Variants in MYO1D observed in about 807,000 individuals in gnomAD.
MYO1D encodes myosin ID, also known as unconventional myosin-Id.
A neutral mutation model predicts 122.0 loss-of-function variants in MYO1D; 83 were observed. The ratio of observed to expected loss-of-function variants is 0.68; its 90% CI spans 0.57 to 0.82. MYO1D has a LOEUF of 0.82. Ranked by LOEUF, MYO1D falls within the 40% of genes least tolerant of loss-of-function variation. The pLI, the probability that MYO1D is intolerant of heterozygous loss-of-function variation, is 0.00. For synonymous variants in MYO1D, 464 were observed against 446.9 expected (o/e 1.04, Z -0.48); for missense variants, 1,157 against 1,269.5 (o/e 0.91, Z 1.35).
chr17:32,700,472 A>G (rs1329328928), intron 16 of MYO1D, among the ~76,000 whole-genome samples: 1 of 152,238 alleles, frequency 6.6e-6, no homozygotes, highest in Non-Finnish European at 1.5e-5. Context: ...CCCCTGCTAC[A>G]GATACAGCAG....
chr17:32,873,689 CTG>C (rs768089664), intron 1 of MYO1D, among the ~76,000 whole-genome samples: 56 of 152,160 alleles, frequency 3.7e-4, no homozygotes, highest in Non-Finnish European at 7.1e-4. Flanking sequence ...TTTGCTGGCA[CTG>C]TGTTTATGGC....
chr17:32,860,640 T>A (rs1219482451), intron 1 of MYO1D, among the ~76,000 whole-genome samples: 2 of 152,172 alleles, frequency 1.3e-5, no homozygotes, highest in African/African-American at 2.4e-5. Flanking sequence ...ATAAAGGAAA[T>A]TGAAGAGTTG....
At chr17:32,794,979 A>T (rs2090398356) in intron 1 of MYO1D, among the ~76,000 whole-genome samples, 1 of 152,088 alleles carries the variant, frequency 6.6e-6, no homozygotes, top group Non-Finnish European at 1.5e-5. Flanking sequence ...AGAGAAGTAG[A>T]CAGGCTTTAA....
chr17:32,786,420 T>C (rs2090294504), intron 1 of MYO1D, among the ~76,000 whole-genome samples: 1 of 152,236 alleles, frequency 6.6e-6, no homozygotes, highest in South Asian at 2.1e-4. Context: ...GGCAATCTTC[T>C]TGCCATTTCA....
At chr17:32,851,357 C>T (rs59760470) in intron 1 of MYO1D, among the ~76,000 whole-genome samples, 4,309 of 152,298 alleles carry the variant, frequency 0.028, 138 homozygotes, top group East Asian at 0.19. Context: ...TCCTCTCTCA[C>T]TTCCTCAAGC....
intron 1 of MYO1D, among the ~76,000 whole-genome samples, chr17:32,870,597 TAA>T (rs34935920): frequency 0.6 from 82,723 of 138,634 alleles, 23,377 homozygotes; most frequent in Admixed American, 0.68. Flanking sequence ...GATTGTCTGC[TAA>T]AAAAAAAAAA....
At chr17:32,592,922 G>A (rs865966273) in intron 21 of MYO1D, among the ~76,000 whole-genome samples, 8 of 151,996 alleles carry the variant, frequency 5.3e-5, no homozygotes, top group Non-Finnish European at 8.8e-5. Flanking sequence ...TATCACTTCC[G>A]CTTCTTTCGG....
chr17:32,571,193 T>G (rs1168381671), intron 21 of MYO1D, among the ~76,000 whole-genome samples: 1 of 151,938 alleles, frequency 6.6e-6, no homozygotes, highest in East Asian at 1.9e-4. Flanking sequence ...GCTAAGAGGA[T>G]GCAGGGTAGC....
chr17:32,761,590 T>G (rs2151016804), intron 8 of MYO1D, among the ~76,000 whole-genome samples: 1 of 152,316 alleles, frequency 6.6e-6, no homozygotes, highest in African/African-American at 2.4e-5. Context: ...CCTGGTCCTC[T>G]TCTCTTCACT....
intron 16 of MYO1D, among the ~76,000 whole-genome samples, chr17:32,685,892 C>T (rs887780877): frequency 1.3e-5 from 2 of 152,196 alleles, no homozygotes; most frequent in Admixed American, 6.5e-5. Flanking sequence ...ATTGATATGA[C>T]CTGCTTTGGC....
At chr17:32,605,948 AC>A (rs1279743666) in intron 20 of MYO1D, among the ~76,000 whole-genome samples, 3 of 151,520 alleles carry the variant, frequency 2.0e-5, no homozygotes, top group Non-Finnish European at 4.4e-5. Context: ...ACACAAAAAA[AC>A]ATTAGCCGGG....
At position 32,865,440 on chromosome 17, in the gene MYO1D, T is replaced by C. The variant is rs74458162; in HGVS notation, c.95+11338A>G. Among the ~76,000 whole-genome samples, 682 of 152,336 alleles carry C rather than the reference T, an allele frequency of 4.5e-3. 49 individuals are homozygous for C. The East Asian group carries it at 0.12, about 26-fold the overall frequency. ...CTTGTGAATATACAGTAAGTGGTAA[T>C]GGGTTTTTTCCCAAGACTTAACAAT... On this transcript the variant is annotated intron_variant, in intron 1 of 21. Coordinates refer to ENST00000318217, the MANE Select transcript of MYO1D (RefSeq NM_015194.3).
intron 21 of MYO1D, among the ~76,000 whole-genome samples, chr17:32,570,687 T>C (rs1000196251): frequency 6.6e-5 from 10 of 152,260 alleles, no homozygotes; most frequent in Admixed American, 2.0e-4. Flanking sequence ...CTAACAAACA[T>C]TCTTCATGCT....
intron 15 of MYO1D, among the ~76,000 whole-genome samples, chr17:32,715,049 A>G (rs771442803): frequency 3.3e-5 from 5 of 152,232 alleles, no homozygotes; most frequent in Non-Finnish European, 2.9e-5. Flanking sequence ...CATGCGGCCA[A>G]CATATGAAAA....
At chr17:32,759,333 A>G (rs1038681663) in intron 10 of MYO1D, among the ~76,000 whole-genome samples, 11 of 152,100 alleles carry the variant, frequency 7.2e-5, no homozygotes, top group Admixed American at 3.9e-4. Flanking sequence ...GCTATTTGTT[A>G]TATCACTGTC....
At chr17:32,688,327 C>T (rs952873488) in intron 16 of MYO1D, among the ~76,000 whole-genome samples, 2 of 152,212 alleles carry the variant, frequency 1.3e-5, no homozygotes, top group African/African-American at 4.8e-5. Flanking sequence ...CCACACCATC[C>T]CTATTGTTTT....
At chr17:32,744,885 T>C (rs2089815385) in intron 13 of MYO1D, among the ~76,000 whole-genome samples, 1 of 152,214 alleles carries the variant, frequency 6.6e-6, no homozygotes, top group African/African-American at 2.4e-5. Flanking sequence ...CTGGGCCAGA[T>C]GTCACCTGAC....
intron 1 of MYO1D, among the ~76,000 whole-genome samples, chr17:32,868,881 G>A (rs989932701): frequency 6.6e-6 from 1 of 152,004 alleles, no homozygotes; most frequent in African/African-American, 2.4e-5. Context: ...TCCCACAAAT[G>A]CTCAAAACTA....
chr17:32,754,699 G>A (rs2089929606), intron 11 of MYO1D, among the ~76,000 whole-genome samples: 1 of 152,188 alleles, frequency 6.6e-6, no homozygotes, highest in Non-Finnish European at 1.5e-5. Flanking sequence ...ATGTGAAGGA[G>A]CAAGGGCCTG....
Sources: allele counts gnomAD v4.1 joint callset (sites outside exome capture counted in the v4.1 genomes callset), GRCh38; gene constraint gnomAD v4.1.1; transcripts MANE v1.5; gene names NCBI Gene and HGNC (gene_info 2026-07-23, HGNC 2026-07-21).